Variants in DRC2 observed in about 807,000 individuals in gnomAD.
DRC2 encodes the protein coiled-coil domain containing 65.
chr12:48,910,022 C>T, the DRC2 span, among the ~76,000 whole-genome samples: 16 of 152,188 alleles, frequency 1.1e-4, no homozygotes, highest in African/African-American at 3.6e-4. Flanking sequence ...TCAGGTGATC[C>T]GCCTGCCTCA....
chr12:48,913,049 C>T, the DRC2 span, among the ~76,000 whole-genome samples: 9 of 141,642 alleles, frequency 6.4e-5, no homozygotes, highest in African/African-American at 1.9e-4. Flanking sequence ...AGGCAGGAAT[C>T]GTTTGAACCT....
chr12:48,917,167 G>A, the DRC2 span: 1 of 1,599,094 alleles, frequency 6.3e-7, no homozygotes, highest in African/African-American at 1.3e-5. Context: ...AATGCTCAAG[G>A]AGGCTGGGCA....
the DRC2 span, among the ~76,000 whole-genome samples, chr12:48,908,439 C>G: frequency 6.6e-6 from 1 of 152,074 alleles, no homozygotes; most frequent in East Asian, 1.9e-4. Context: ...AAGCTATACC[C>G]TGCTGTCCTT....
the DRC2 span, among the ~76,000 whole-genome samples, chr12:48,904,637 C>T: frequency 1.3e-5 from 2 of 152,144 alleles, no homozygotes; most frequent in African/African-American, 4.8e-5. Context: ...GTGTTCTCTG[C>T]GAAGCACGGA....
At chr12:48,904,171 A>T in the DRC2 span, 2 of 825,096 alleles carry the variant, frequency 2.4e-6, no homozygotes, top group Non-Finnish European at 3.8e-6. Flanking sequence ...CCTCACTGAT[A>T]GCCGGGGATC....
At chr12:48,914,370 C>A in the DRC2 span, 1 of 1,554,612 alleles carries the variant, frequency 6.4e-7, no homozygotes, top group Non-Finnish European at 8.7e-7. Flanking sequence ...AGATGCTATT[C>A]AGCTGGAATG....
At chr12:48,920,444 A>AAAAAT in the DRC2 span, among the ~76,000 whole-genome samples, 1 of 130,466 alleles carries the variant, frequency 7.7e-6, no homozygotes, top group Non-Finnish European at 1.8e-5. Flanking sequence ...TCCATCTTAA[A>AAAAAT]AAAAAAAAAA....
At chr12:48,904,501 C>T in the DRC2 span, 13 of 1,602,706 alleles carry the variant, frequency 8.1e-6, no homozygotes, top group East Asian at 2.7e-4. Flanking sequence ...CCTGCTCAAC[C>T]CCATCCACCC....
At chr12:48,909,778 CT>C in the DRC2 span, among the ~76,000 whole-genome samples, 44,715 of 138,616 alleles carry the variant, frequency 0.32, 7,866 homozygotes, top group Admixed American at 0.47. Context: ...CGCCCAGCCT[CT>C]TTTTTTTTTT....
At chr12:48,916,608 G>A in the DRC2 span, among the ~76,000 whole-genome samples, 1 of 151,740 alleles carries the variant, frequency 6.6e-6, no homozygotes, top group East Asian at 1.9e-4. Context: ...GGGAGAGGGA[G>A]ACCATGGGGA....
At chr12:48,907,720 T>C in the DRC2 span, among the ~76,000 whole-genome samples, 153 of 152,338 alleles carry the variant, frequency 1.0e-3, 1 homozygote, top group African/African-American at 3.6e-3. Flanking sequence ...CTAACCTCTC[T>C]ATGGCACTGA....
chr12:48,916,631 G>GGGGAGGGGGAGA, the DRC2 span, among the ~76,000 whole-genome samples: 1 of 149,016 alleles, frequency 6.7e-6, no homozygotes, highest in East Asian at 2.0e-4. Context: ...GGGAGACCAT[G>GGGGAGGGGGAGA]GGGAGAGGGA....
chr12:48,910,104 T>G, the DRC2 span, among the ~76,000 whole-genome samples: 1 of 152,184 alleles, frequency 6.6e-6, no homozygotes, highest in Non-Finnish European at 1.5e-5. Context: ...TCATTCCTCC[T>G]TCAAGAGTTG....
At chr12:48,917,207 T>C in the DRC2 span, 4 of 1,404,490 alleles carry the variant, frequency 2.8e-6, no homozygotes, top group Admixed American at 1.9e-5. Context: ...TCCCAGCACC[T>C]TGGTAGGCCA....
At chr12:48,913,014 G>A in the DRC2 span, among the ~76,000 whole-genome samples, 162 of 151,218 alleles carry the variant, frequency 1.1e-3, no homozygotes, top group Middle Eastern at 6.9e-3. Flanking sequence ...GCATGCATCT[G>A]TAGTCCCAGC....
the DRC2 span, chr12:48,921,547 T>C: frequency 6.7e-7 from 1 of 1,484,910 alleles, no homozygotes; most frequent in East Asian, 2.4e-5. Flanking sequence ...AATGTAGGGA[T>C]GTTGCTATTA....
the DRC2 span, among the ~76,000 whole-genome samples, chr12:48,916,564 C>T: frequency 1.1e-4 from 16 of 152,260 alleles, no homozygotes; most frequent in Middle Eastern, 6.8e-3. Flanking sequence ...AGTCCAGCTT[C>T]GGCTCGGCAT....
the DRC2 span, among the ~76,000 whole-genome samples, chr12:48,920,179 C>T: frequency 3.5e-5 from 5 of 140,924 alleles, no homozygotes; most frequent in East Asian, 2.2e-4. Flanking sequence ...CAGTGGCTCA[C>T]ACCTGTAATC....
chr12:48,918,046 T>C, the DRC2 span: 1 of 485,414 alleles, frequency 2.1e-6, no homozygotes, highest in Non-Finnish European at 3.7e-6. Context: ...GCTCAGTGAC[T>C]GCCCCTCCTC....
Sources: gnomAD v4.1 joint callset for allele counts (sites outside exome capture counted in the v4.1 genomes callset) on GRCh38, gnomAD v4.1.1 for gene constraint, MANE v1.5 for transcripts, NCBI Gene and HGNC (gene_info 2026-07-23, HGNC 2026-07-21) for gene names.